GRK3: variants seen among roughly 807,000 people sequenced by gnomAD.
GRK3 encodes the protein G protein-coupled receptor kinase 3.
GRK3 carries 54 observed loss-of-function variants against 95.7 expected under a neutral mutation model. The observed-to-expected ratio is 0.56, with a 90% CI of 0.45 to 0.71. The LOEUF is 0.71. GRK3 is among the 30% of genes least tolerant of loss of function. GRK3 has a pLI of 0.00. For synonymous variants in GRK3, 281 were observed against 290.8 expected (o/e 0.97, Z 0.34); for missense variants, 649 against 851.2 (o/e 0.76, Z 2.96).
At chr22:25,603,955 C>G (rs1050315640) in intron 1 of GRK3, among the ~76,000 whole-genome samples, 20 of 152,080 alleles carry the variant, frequency 1.3e-4, no homozygotes, top group Non-Finnish European at 5.9e-5. Context: ...ATCTAGGGAA[C>G]TTTTGCACTT....
At chr22:25,663,726 A>G in intron 5 of GRK3, 22 bp downstream of exon 5, 9 of 1,518,480 alleles carry the variant, frequency 5.9e-6, no homozygotes, top group Non-Finnish European at 7.3e-6. Flanking sequence ...TTATTCCAAA[A>G]TAAATAGATA....
chr22:25,721,227 T>A (rs1009462259), intron 19 of GRK3, 57 bp from the exon 20 acceptor site: 9 of 941,292 alleles, frequency 9.6e-6, no homozygotes, highest in Non-Finnish European at 1.3e-5. Context: ...TTTTTGGTAT[T>A]ACTACTTAAG....
At chr22:25,616,047 G>C (rs1601476324) in intron 2 of GRK3, among the ~76,000 whole-genome samples, 1 of 150,546 alleles carries the variant, frequency 6.6e-6, no homozygotes, top group Non-Finnish European at 1.5e-5. Context: ...AGAGTGGCCA[G>C]GCCCTTGAGG....
intron 1 of GRK3, among the ~76,000 whole-genome samples, chr22:25,599,002 G>A (rs902928130): frequency 5.1e-4 from 77 of 152,112 alleles, no homozygotes; most frequent in Non-Finnish European, 9.9e-4. Flanking sequence ...ATGTCCATAT[G>A]CAAAAACAAA....
chr22:25,636,089 A>G (rs998156127), intron 2 of GRK3, among the ~76,000 whole-genome samples: 5 of 152,254 alleles, frequency 3.3e-5, no homozygotes, highest in Non-Finnish European at 5.9e-5. Flanking sequence ...TAGCTCCATC[A>G]TCCTACAAGT....
At position 25,586,315 on chromosome 22, in the gene GRK3, A is replaced by G. The variant is rs529978137; in HGVS notation, c.114-18062A>G. ...GACCTGCTGTGCAATAACACAACAG[A>G]GTGACTATAGTCAATAATAACTTAA... is the stretch of plus-strand genomic sequence containing the variant. On this transcript the variant is annotated intron_variant, in intron 1 of 20. Coordinates refer to ENST00000324198, the MANE Select transcript of GRK3 (RefSeq NM_005160.4). 1.6e-4 allele frequency among the ~76,000 whole-genome samples: 24 copies of G among 152,386 alleles called. No individual in the cohort carries two copies. In the East Asian group the frequency reaches 2.5e-3, roughly 16 times the overall value.
At chr22:25,638,360 A>G (rs2084718599) in intron 2 of GRK3, among the ~76,000 whole-genome samples, 1 of 152,230 alleles carries the variant, frequency 6.6e-6, no homozygotes, top group Admixed American at 6.5e-5. Flanking sequence ...AGAAGAAAGC[A>G]AAGATATTTG....
At chr22:25,637,875 G>C (rs1389797546) in intron 2 of GRK3, among the ~76,000 whole-genome samples, 2 of 152,222 alleles carry the variant, frequency 1.3e-5, no homozygotes, top group East Asian at 3.8e-4. Context: ...ATGAAGTCTG[G>C]AGGCAGTCTG....
At chr22:25,679,808 C>T (rs969779620) in intron 9 of GRK3, among the ~76,000 whole-genome samples, 34 of 152,084 alleles carry the variant, frequency 2.2e-4, no homozygotes, top group African/African-American at 8.0e-4. Context: ...TGAATGAAAC[C>T]GTAGATACTC....
chr22:25,624,801 T>G (rs1336904673), intron 2 of GRK3, among the ~76,000 whole-genome samples: 1 of 152,212 alleles, frequency 6.6e-6, no homozygotes, highest in East Asian at 1.9e-4. Context: ...ATCTGAGGAA[T>G]TGACTCTTCT....
At position 25,630,293 on chromosome 22, in the gene GRK3, T is replaced by G. The variant is rs114510276; in HGVS notation, c.191-14299T>G. On this transcript the variant is annotated intron_variant, in intron 2 of 20. Transcript: ENST00000324198. The stretch of plus-strand genomic sequence containing the variant: ...TACACTCAGACCCTGATTTCCATAA[T>G]GCCAGCTTTAATATTTGTTCTTAGA... Among the ~76,000 whole-genome samples, 859 of 152,344 alleles carry G rather than the reference T, an allele frequency of 5.6e-3. 10 individuals are homozygous for G. Among genetic ancestry groups the G allele is most frequent in the African/African-American group, 0.019 (773 of 41,590 alleles).
intron 15 of GRK3, 54 bp downstream of exon 15, chr22:25,704,263 T>C: frequency 7.6e-7 from 1 of 1,316,800 alleles, no homozygotes; most frequent in Non-Finnish European, 1.1e-6. Flanking sequence ...AAAATAGTGA[T>C]TTTAAATACT....
At position 25,704,187 on chromosome 22, in the gene GRK3, C is replaced by A. The variant is rs767010348; in HGVS notation, c.1306C>A (p.Arg436=). ...EGLLQRDVSK[R]LGCHGGGSQE... ...CTTGCTTCAGCGAGACGTTAGCAAG[C>A]GGCTGGGCTGTCACGGAGGCGGGTA... is the stretch of plus-strand genomic sequence containing the variant. The change falls in exon 15 of 21, where the codon CGG becomes AGG. Residue 436 remains arginine (R), a synonymous_variant. Transcript: ENST00000324198. The A allele has an allele frequency of 6.8e-6, 11 of 1,612,932 alleles. No individual in the cohort carries two copies. The highest frequency in any genetic ancestry group is 8.5e-6 in the Non-Finnish European group (10 of 1,179,374).
rs200199764 is a variant in GRK3, at chr22:25,704,202, G to A, written c.1321G>A (p.Gly441Arg). 85 of 1,611,916 alleles carry A rather than the reference G, an allele frequency of 5.3e-5. No homozygotes were observed. Among genetic ancestry groups the A allele is most frequent in the Non-Finnish European group, 6.4e-5 (76 of 1,178,770 alleles). The change falls in exon 15 of 21, where the codon GGA becomes AGA. Residue 441 changes from glycine to arginine, a missense_variant. Gly to Arg is a moderately radical substitution (Grantham distance 125). Around this residue, in one of 3 missense-constraint regions of GRK3, gnomAD observed 382 missense variants for 493.8 expected, o/e 0.77. Transcript: ENST00000324198. ...CGTTAGCAAGCGGCTGGGCTGTCAC[G>A]GAGGCGGGTAGGCCATTGTTCCTGC... is the stretch of plus-strand genomic sequence containing the variant. Reference protein sequence around the residue: ...RDVSKRLGCHGGGSQEVKEHS... With the variant: ...RDVSKRLGCHRGGSQEVKEHS...
At chr22:25,649,876 A>G (rs1312003532) in intron 3 of GRK3, among the ~76,000 whole-genome samples, 2 of 152,188 alleles carry the variant, frequency 1.3e-5, no homozygotes, top group Admixed American at 6.5e-5. Context: ...TAACATTCAT[A>G]TTAATGGAAC....
At chr22:25,671,314 T>C (rs1404836639) in intron 6 of GRK3, among the ~76,000 whole-genome samples, 1 of 152,252 alleles carries the variant, frequency 6.6e-6, no homozygotes, top group Non-Finnish European at 1.5e-5. Context: ...CACTTCAGCC[T>C]GGGCGACAGA....
At chr22:25,693,774 C>CTTTTT (rs542086916) in intron 12 of GRK3, among the ~76,000 whole-genome samples, 47 of 112,830 alleles carry the variant, frequency 4.2e-4, no homozygotes, top group Non-Finnish European at 5.2e-4. Flanking sequence ...GTTAAAAATT[C>CTTTTT]TTTTTTTTTT....
chr22:25,664,515 CA>C (rs1433509519), intron 5 of GRK3, among the ~76,000 whole-genome samples: 4 of 142,978 alleles, frequency 2.8e-5, no homozygotes, highest in African/African-American at 5.4e-5. Flanking sequence ...TTGACTTTGG[CA>C]TTTTTTTTTT....
At chr22:25,623,156 G>T (rs1435291267) in intron 2 of GRK3, among the ~76,000 whole-genome samples, 1 of 152,086 alleles carries the variant, frequency 6.6e-6, no homozygotes, top group Non-Finnish European at 1.5e-5. Context: ...TGTCCAGGCT[G>T]GTCTCATACT....
Sources: allele counts gnomAD v4.1 joint callset (sites outside exome capture counted in the v4.1 genomes callset), GRCh38; gene constraint gnomAD v4.1.1; regional missense constraint gnomAD v4.1.1; transcripts MANE v1.5; gene names NCBI Gene and HGNC (gene_info 2026-07-23, HGNC 2026-07-21).